Variants in GGA2 observed in about 807,000 individuals in gnomAD.
GGA2 encodes golgi associated, gamma adaptin ear containing, ARF binding protein 2, also known as ADP-ribosylation factor-binding protein GGA2.
In GGA2, 48 loss-of-function variants were observed where a neutral mutation model predicts 79.5. The observed-to-expected ratio is 0.60, with a 90% CI of 0.48 to 0.77. The LOEUF is 0.77. GGA2 is among the 30% of genes least tolerant of loss of function. The pLI, the probability that GGA2 is intolerant of heterozygous loss-of-function variation, is 0.00. For synonymous variants in GGA2, 317 were observed against 302.0 expected (o/e 1.05, Z -0.51); for missense variants, 770 against 774.0 (o/e 0.99, Z 0.06).
chr16:23,476,335 A>T (rs1964576465), intron 13 of GGA2, among the ~76,000 whole-genome samples: 1 of 152,206 alleles, frequency 6.6e-6, no homozygotes, highest in Non-Finnish European at 1.5e-5. Context: ...TATCAGGAAC[A>T]TGGGCACTTT....
Position 23,465,933 on chromosome 16 carries a change from A to T in GGA2, c.*1657T>A, listed in dbSNP as rs1964431478. The T allele has an allele frequency of 6.5e-6, 1 of 152,724 alleles. No individual in the cohort carries two copies. The highest frequency in any genetic ancestry group is 1.5e-5 in the Non-Finnish European group (1 of 68,408). The allele number at this position is 152,724 out of a possible 1,614,324, so 9.5% of individuals were successfully genotyped here. A position where few individuals can be genotyped will look rare whatever the true frequency, so the allele number is the denominator to read the frequency against. ...TCCAGCCTGAGTGACAGAGTGAGATATGGCCTCAAAAAACAAAAAAAAGCC... is the reference window on the plus strand; with the variant it reads ...TCCAGCCTGAGTGACAGAGTGAGATTTGGCCTCAAAAAACAAAAAAAAGCC... On this transcript the variant is annotated 3_prime_UTR_variant, in exon 17 of 17. Coordinates refer to ENST00000309859, the MANE Select transcript of GGA2 (RefSeq NM_015044.4).
intron 1 of GGA2, among the ~76,000 whole-genome samples, chr16:23,520,993 T>C (rs965108507): frequency 2.0e-5 from 3 of 152,146 alleles, no homozygotes; most frequent in African/African-American, 7.2e-5. Context: ...GGTTTCACCA[T>C]GTTGGCCAGG....
At position 23,475,152 on chromosome 16, in the gene GGA2, T is replaced by A. The variant is rs948206445; in HGVS notation, c.1293-91A>T. 2 of 655,146 alleles carry A rather than the reference T, an allele frequency of 3.1e-6. No homozygotes were observed. The allele number at this position is 655,146 out of a possible 1,614,324, so 40.6% of individuals were successfully genotyped here. ...GGCTTATTAAAGAACAAGGAAAAAA[T>A]AACACACACACACACACAGAGTTAG... On this transcript the variant is annotated intron_variant, in intron 13 of 16. Transcript: ENST00000309859.
At chr16:23,503,443 T>C (rs567758079) in intron 1 of GGA2, among the ~76,000 whole-genome samples, 8 of 152,222 alleles carry the variant, frequency 5.3e-5, no homozygotes, top group Non-Finnish European at 1.0e-4. Flanking sequence ...TTGTAAGATA[T>C]AGTTACTTAA....
rs906501916 is a variant in GGA2, at chr16:23,466,141, A to C, written c.*1449T>G. On this transcript the variant is annotated 3_prime_UTR_variant, in exon 17 of 17. Coordinates refer to ENST00000309859, the MANE Select transcript of GGA2 (RefSeq NM_015044.4). ...GTATTGGCAGATTTCCACTATATGTAGAAGTCAAAAGATCAGACTGTAAAA... is the reference window on the plus strand; with the variant it reads ...GTATTGGCAGATTTCCACTATATGTCGAAGTCAAAAGATCAGACTGTAAAA... The C allele has an allele frequency of 1.3e-5, 2 of 152,180 alleles. No individual in the cohort carries two copies. The highest frequency in any genetic ancestry group is 2.9e-5 in the Non-Finnish European group (2 of 68,036). 9.4% of individuals were successfully genotyped at this position (152,180 alleles called of 1,614,324 possible).
At position 23,482,620 on chromosome 16, in the gene GGA2, C is replaced by T. The variant is rs1964661996; in HGVS notation, c.880+303G>A. Among the ~76,000 whole-genome samples, 3 of 152,280 alleles carry T rather than the reference C, an allele frequency of 2.0e-5. No individual in the cohort carries two copies. The South Asian group carries it at 6.2e-4, about 32-fold the overall frequency. On this transcript the variant is annotated intron_variant, in intron 9 of 16. Transcript: ENST00000309859. ...CACCACCCACAGCTGTTTCTCTGGCCCCTGCGATTGGTCAGCTTTTCCTGA... is the reference window on the plus strand; with the variant it reads ...CACCACCCACAGCTGTTTCTCTGGCTCCTGCGATTGGTCAGCTTTTCCTGA...
At position 23,488,479 on chromosome 16, in the gene GGA2, G is replaced by A. The variant is rs1964742767; in HGVS notation, c.579+127C>T. On this transcript the variant is annotated intron_variant, in intron 6 of 16. Transcript: ENST00000309859. ...AAACCTTCTGCTACCTCACTCCTAAGGGCCTGTCTGGAGAGGAGAACCCAT... is the reference window on the plus strand; with the variant it reads ...AAACCTTCTGCTACCTCACTCCTAAAGGCCTGTCTGGAGAGGAGAACCCAT... 5 of 711,146 alleles carry A rather than the reference G, an allele frequency of 7.0e-6. No homozygotes were observed. In the East Asian group the frequency reaches 1.0e-4, roughly 14 times the overall value. The allele number at this position is 711,146 out of a possible 1,614,324, so 44.1% of individuals were successfully genotyped here. A position where few individuals can be genotyped will look rare whatever the true frequency, so the allele number is the denominator to read the frequency against.
chr16:23,518,544 CAT>C (rs1365173856), intron 2 of GGA2, among the ~76,000 whole-genome samples: 4 of 152,228 alleles, frequency 2.6e-5, no homozygotes, highest in Non-Finnish European at 4.4e-5. Flanking sequence ...CCACTAAACA[CAT>C]GTCAGTCATC....
chr16:23,470,404 T>C (rs1024387682), intron 14 of GGA2, among the ~76,000 whole-genome samples: 1 of 152,196 alleles, frequency 6.6e-6, no homozygotes, highest in African/African-American at 2.4e-5. Context: ...CCACCAGTTA[T>C]TAAAAATCAC....
chr16:23,479,707 G>A, intron 11 of GGA2, 58 bp downstream of exon 11: 2 of 1,597,520 alleles, frequency 1.3e-6, no homozygotes, highest in Non-Finnish European at 1.7e-6. Flanking sequence ...AAGGGAACCA[G>A]CTCACTCCCC....
chr16:23,498,685 A>C (rs181701751), intron 1 of GGA2, among the ~76,000 whole-genome samples: 31 of 152,240 alleles, frequency 2.0e-4, no homozygotes, highest in African/African-American at 7.2e-4. Flanking sequence ...AGGTCTACAA[A>C]GGATAATTGT....
At chr16:23,467,838 G>A (rs1295322220) in intron 16 of GGA2, 138 bp from the exon 17 acceptor site, 2 of 647,610 alleles carry the variant, frequency 3.1e-6, no homozygotes, top group Non-Finnish European at 2.8e-6. Flanking sequence ...ACAAACAAGG[G>A]GAAACAGGCA....
rs183190496 is a variant in GGA2, at chr16:23,482,871, G to A, written c.880+52C>T. On this transcript the variant is annotated intron_variant, in intron 9 of 16. Coordinates refer to ENST00000309859, the MANE Select transcript of GGA2 (RefSeq NM_015044.4). ...GCACAGCAGTGTGACAGGAGGGACC[G>A]AGTCTGTCTTGCACCTGGGCTGCTA... The A allele has an allele frequency of 5.2e-3, 5,305 of 1,019,800 alleles. 34 individuals are homozygous for A. Among genetic ancestry groups the A allele is most frequent in the Non-Finnish European group, 6.8e-3 (4,351 of 637,250 alleles). 63.2% of individuals were successfully genotyped at this position (1,019,800 alleles called of 1,614,324 possible). A position where few individuals can be genotyped will look rare whatever the true frequency, so the allele number is the denominator to read the frequency against.
chr16:23,499,468 A>G lies in GGA2; in HGVS notation c.92-3690T>C, dbSNP rs545675315. On this transcript the variant is annotated intron_variant, in intron 1 of 16. Transcript: ENST00000309859. ...CGGCACCAGCTTTCTTTAAGAAAGA[A>G]AAAACCTCTCTGAGGTTAAATTACG... 2.0e-5 allele frequency among the ~76,000 whole-genome samples: 3 copies of G among 152,224 alleles called. No individual in the cohort carries two copies. In the East Asian group the frequency reaches 5.8e-4, roughly 29 times the overall value.
rs777285762 is a variant in GGA2 at position 23,479,896 on chromosome 16, C to G, written c.1007-9G>C. On this transcript the variant is annotated splice_polypyrimidine_tract_variant and intron_variant, in intron 10 of 16. Coordinates refer to ENST00000309859, the MANE Select transcript of GGA2 (RefSeq NM_015044.4). ...TGCTGGATTCTGAAAGACTAGAAAG[C>G]CCAGGGTTAGGAAGAGAAGTCAGTT... The G allele has an allele frequency of 6.2e-7, 1 of 1,613,610 alleles. No individual in the cohort carries two copies. Among genetic ancestry groups the G allele is most frequent in the African/African-American group, 1.3e-5 (1 of 74,916 alleles).
chr16:23,503,584 GTTTA>G (rs1964942554), intron 1 of GGA2, among the ~76,000 whole-genome samples: 1 of 152,130 alleles, frequency 6.6e-6, no homozygotes, highest in African/African-American at 2.4e-5. Context: ...CTTACGATGA[GTTTA>G]TTATCTATTA....
In GGA2 at chr16:23,465,819, T is replaced by C. The variant is rs1394795461; in HGVS notation, c.*1771A>G. On this transcript the variant is annotated 3_prime_UTR_variant, in exon 17 of 17. Coordinates refer to ENST00000309859, the MANE Select transcript of GGA2 (RefSeq NM_015044.4). ...AGCTGGGCGTGCTGGCTCACGCCTG[T>C]AGTCCCAGCTACTCGAGAGGCTGAG... 9.2e-5 allele frequency: 16 copies of C among 173,904 alleles called. No homozygotes were observed. Among genetic ancestry groups the C allele is most frequent in the Admixed American group, 1.1e-4 (2 of 17,900 alleles). 10.8% of individuals were successfully genotyped at this position (173,904 alleles called of 1,614,324 possible).
chr16:23,523,246 T>A (rs1421617613), upstream of GGA2: 5 of 152,188 alleles, frequency 3.3e-5, no homozygotes, highest in South Asian at 2.1e-4. Flanking sequence ...GCCACCATCC[T>A]CCTTTCACTT....
intron 1 of GGA2, among the ~76,000 whole-genome samples, chr16:23,508,097 T>C (rs1158480517): frequency 6.6e-6 from 1 of 150,944 alleles, no homozygotes; most frequent in African/African-American, 2.4e-5. Flanking sequence ...GAATCTCGCC[T>C]TGTCACCTAG....
Sources: gnomAD v4.1 joint callset for allele counts (sites outside exome capture counted in the v4.1 genomes callset) on GRCh38, gnomAD v4.1.1 for gene constraint, MANE v1.5 for transcripts, NCBI Gene and HGNC (gene_info 2026-07-23, HGNC 2026-07-21) for gene names.